Variants in TP53BP2 observed in about 807,000 individuals in gnomAD.
TP53BP2 encodes tumor protein p53 binding protein 2, also known as apoptosis-stimulating of p53 protein 2.
Under a neutral mutation model 126.2 loss-of-function variants are expected in TP53BP2, and 62 were observed. That is an observed-to-expected ratio of 0.49 (90% CI 0.40 to 0.61). The LOEUF (loss-of-function observed/expected upper bound fraction) is 0.61. TP53BP2 is among the 20% of genes least tolerant of loss of function. The pLI, the probability that TP53BP2 is intolerant of heterozygous loss-of-function variation, is 0.00. For synonymous variants in TP53BP2, 485 were observed against 502.9 expected, an observed-to-expected ratio of 0.96 and a Z score of 0.48; for missense variants, 1,215 against 1,402.8, an observed-to-expected ratio of 0.87 and a Z score of 2.14.
intron 1 of TP53BP2, among the ~76,000 whole-genome samples, chr1:223,823,076 C>T (rs1298372805): frequency 6.6e-6 from 1 of 152,088 alleles, no homozygotes; most frequent in African/African-American, 2.4e-5. Context: ...CTATGCTAAG[C>T]ACTGGGAAAA....
At chr1:223,782,403 G>T (rs969071925) in intron 17 of TP53BP2, among the ~76,000 whole-genome samples, 22 of 152,210 alleles carry the variant, frequency 1.4e-4, no homozygotes, top group African/African-American at 4.3e-4. Context: ...GTAGGCAAGA[G>T]ACTGTACTTC....
At position 223,796,610 on chromosome 1, in the gene TP53BP2, A is replaced by T. The variant is rs1571845464; in HGVS notation, c.1949-20T>A. 6.5e-7 allele frequency: 1 copy of T among 1,543,334 alleles called. No homozygotes were observed. The highest frequency in any genetic ancestry group is 2.3e-5 in the East Asian group (1 of 44,214). ...CATATACTAATTGGAAAAGGAAAAA[A>T]AAAAGCCCTCATTAGCATTAATTAA... On this transcript the variant is annotated intron_variant, in intron 12 of 17. Transcript: ENST00000343537. This position sits in a 1 kb window ranked among gnomAD's most constrained non-coding sequence, Gnocchi z 4.2.
chr1:223,780,651 C>A lies in TP53BP2; in HGVS notation c.*202G>T. 1.7e-6 allele frequency: 1 copy of A among 591,214 alleles called. No individual in the cohort carries two copies. Among genetic ancestry groups the A allele is most frequent in the Non-Finnish European group, 3.0e-6 (1 of 337,130 alleles). The allele number at this position is 591,214 out of a possible 1,614,324, so 36.6% of individuals were successfully genotyped here. On this transcript the variant is annotated 3_prime_UTR_variant, in exon 18 of 18. Transcript: ENST00000343537. ...GCCCCAACACAGTATGGCCTGCTGA[C>A]GTAGATGCTTTATTTCATCACGCTA...
At chr1:223,815,026 A>T (rs538701939) in intron 2 of TP53BP2, among the ~76,000 whole-genome samples, 10 of 152,316 alleles carry the variant, frequency 6.6e-5, no homozygotes, top group African/African-American at 2.4e-4. Flanking sequence ...AGCTGTCCTA[A>T]AAAAATCTTC....
At chr1:223,832,049 CA>C (rs1030880277) in intron 1 of TP53BP2, among the ~76,000 whole-genome samples, 74 of 145,634 alleles carry the variant, frequency 5.1e-4, no homozygotes, top group Middle Eastern at 3.6e-3. Flanking sequence ...AGAGGAAATA[CA>C]AAAAAAAAAC....
intron 12 of TP53BP2, among the ~76,000 whole-genome samples, chr1:223,797,155 T>C (rs1483378408): frequency 6.6e-6 from 1 of 152,224 alleles, no homozygotes; most frequent in Non-Finnish European, 1.5e-5. Context: ...GTAGCATATA[T>C]ACTGATTCTT....
At chr1:223,825,026 A>AAC (rs3058420) in intron 1 of TP53BP2, among the ~76,000 whole-genome samples, 26,247 of 143,374 alleles carry the variant, frequency 0.18, 2,746 homozygotes, top group South Asian at 0.24. Flanking sequence ...TCCAACACCA[A>AAC]ACACACACAC....
chr1:223,819,135 G>A (rs1267179010), intron 2 of TP53BP2, among the ~76,000 whole-genome samples: 2 of 150,432 alleles, frequency 1.3e-5, no homozygotes, highest in Non-Finnish European at 3.0e-5. Context: ...AGTGAGCCGA[G>A]ATCGCGCCAT....
intron 2 of TP53BP2, among the ~76,000 whole-genome samples, chr1:223,819,615 G>A (rs1290781957): frequency 1.3e-5 from 2 of 152,034 alleles, no homozygotes; most frequent in Non-Finnish European, 2.9e-5. Flanking sequence ...GAACCTGGGA[G>A]GCAGAGCTTT....
Position 223,795,928 on chromosome 1 carries a change from C to T in TP53BP2, c.2611G>A (p.Glu871Lys). 1 of 1,614,026 alleles carries T rather than the reference C, an allele frequency of 6.2e-7. No individual in the cohort carries two copies. The highest frequency in any genetic ancestry group is 1.3e-5 in the African/African-American group (1 of 75,044). The change falls in exon 13 of 18, where the codon GAG becomes AAG. Residue 871 changes from glutamate (E) to lysine (K), a missense_variant. Glu to Lys is a moderately conservative substitution (Grantham distance 56). Coordinates refer to ENST00000343537, the MANE Select transcript of TP53BP2 (RefSeq NM_001031685.3). ...APHVLDVYLE[E>K]YPPYPPPPYP... ...GGTGGGGGTGGGTATGGAGGGTACT[C>T]CTCCAGGTACACATCAAGCACATGT...
intron 2 of TP53BP2, among the ~76,000 whole-genome samples, chr1:223,816,060 A>G (rs1663077375): frequency 6.6e-6 from 1 of 152,174 alleles, no homozygotes. Context: ...TGCCTATGTG[A>G]CTCTGAACAT....
intron 16 of TP53BP2, among the ~76,000 whole-genome samples, chr1:223,786,573 C>T (rs28709261): frequency 1.1e-4 from 14 of 127,404 alleles, no homozygotes; most frequent in South Asian, 2.3e-4. Flanking sequence ...TGTGTGTGTG[C>T]GTGTGTGCGT....
chr1:223,807,567 C>A (rs1662766938), intron 4 of TP53BP2, among the ~76,000 whole-genome samples: 1 of 146,548 alleles, frequency 6.8e-6, no homozygotes, highest in Non-Finnish European at 1.5e-5. Flanking sequence ...ATGGAATCTA[C>A]AAAAAAGCTA....
intron 1 of TP53BP2, among the ~76,000 whole-genome samples, chr1:223,844,277 G>T (rs561346530): frequency 3.6e-4 from 55 of 152,230 alleles, no homozygotes; most frequent in African/African-American, 1.3e-3. Flanking sequence ...TATGAATTCG[G>T]CTACACAACG....
chr1:223,831,228 TAA>T (rs34353727), intron 1 of TP53BP2, among the ~76,000 whole-genome samples: 36,352 of 132,948 alleles, frequency 0.27, 6,282 homozygotes, highest in African/African-American at 0.5. Flanking sequence ...CCATTTATAT[TAA>T]AAAAAAAAAA....
intron 1 of TP53BP2, 39 bp from the exon 2 acceptor site, chr1:223,821,406 T>C (rs953507656): frequency 3.1e-6 from 5 of 1,612,988 alleles, no homozygotes; most frequent in East Asian, 2.2e-5. Flanking sequence ...ACTGGTACTG[T>C]CTGCCTAATG....
chr1:223,808,693 G>A (rs1398408229), intron 4 of TP53BP2, among the ~76,000 whole-genome samples: 5 of 145,642 alleles, frequency 3.4e-5, no homozygotes, highest in Non-Finnish European at 6.0e-5. Flanking sequence ...GTTGGGCAAA[G>A]AGTTCTTAGA....
At chr1:223,792,640 T>C (rs1571841552) in intron 14 of TP53BP2, 118 bp from the exon 15 acceptor site, 6 of 1,027,580 alleles carry the variant, frequency 5.8e-6, no homozygotes, top group Admixed American at 5.5e-5. Flanking sequence ...CTTTTAAAAA[T>C]CATAATTAAA....
At position 223,804,157 on chromosome 1, in the gene TP53BP2, T is replaced by C; in HGVS notation, c.649+17A>G. ...AAATAAATGTATAAAAAAGTAAATC[T>C]ATGAGGAACAACTCACCAAGTTTCC... On this transcript the variant is annotated intron_variant, in intron 6 of 17. Transcript: ENST00000343537. 1 of 1,591,390 alleles carries C rather than the reference T, an allele frequency of 6.3e-7. No homozygotes were observed. Among genetic ancestry groups the C allele is most frequent in the Non-Finnish European group, 8.5e-7 (1 of 1,173,050 alleles).
Sources: allele counts gnomAD v4.1 joint callset (sites outside exome capture counted in the v4.1 genomes callset), GRCh38; gene constraint gnomAD v4.1.1; non-coding constraint Gnocchi (gnomAD v3.1); transcripts MANE v1.5; gene names NCBI Gene and HGNC (gene_info 2026-07-23, HGNC 2026-07-21).